CTNNBIP1: variants seen among roughly 807,000 people sequenced by gnomAD.
The protein encoded by CTNNBIP1 is beta-catenin-interacting protein 1.
In CTNNBIP1, 7 loss-of-function variants were observed where a neutral mutation model predicts 11.8. The observed-to-expected ratio is 0.60, with a 90% CI of 0.34 to 1.12. CTNNBIP1 has a LOEUF of 1.12. Ranked by LOEUF, CTNNBIP1 falls within the 50% of genes most tolerant of loss-of-function variation. The pLI, the probability that CTNNBIP1 is intolerant of heterozygous loss-of-function variation, is 0.03. For missense variants in CTNNBIP1, 101 were observed against 113.4 expected (o/e 0.89, Z 0.50); for synonymous variants, 58 against 43.9 (o/e 1.32, Z -1.26).
chr1:9,890,254 C>T (rs1287572596), intron 1 of CTNNBIP1, among the ~76,000 whole-genome samples: 1 of 152,122 alleles, frequency 6.6e-6, no homozygotes, highest in East Asian at 1.9e-4. Context: ...AACAGGAAGG[C>T]ATGTGGAGCC....
At chr1:9,893,924 A>G (rs1639355989) in intron 1 of CTNNBIP1, among the ~76,000 whole-genome samples, 1 of 152,234 alleles carries the variant, frequency 6.6e-6, no homozygotes, top group African/African-American at 2.4e-5. Context: ...CCTAAGAGAG[A>G]GGGAAACTGA....
chr1:9,891,902 G>A (rs1029060430), intron 1 of CTNNBIP1, among the ~76,000 whole-genome samples: 2 of 147,422 alleles, frequency 1.4e-5, no homozygotes, highest in African/African-American at 5.0e-5. Flanking sequence ...TCCAGTCTCA[G>A]GTGATTCTCC....
rs1638771396 is a variant in CTNNBIP1 at position 9,867,486 on chromosome 1, G to C, written c.187+3701C>G. ...AGACCCATCCAGCCCTGGAGGGGAA[G>C]CATGTGCAGGGCTAAAGGTGGCGGC... On this transcript the variant is annotated intron_variant, in intron 5 of 5. Transcript: ENST00000377263. The surrounding 1 kb of genome is among the most constrained non-coding windows in gnomAD (Gnocchi z 4.6). Among the ~76,000 whole-genome samples the C allele has an allele frequency of 6.6e-6, 1 of 152,206 alleles. No homozygotes were observed. The highest frequency in any genetic ancestry group is 2.1e-4 in the South Asian group (1 of 4,838).
chr1:9,871,115 T>C lies in CTNNBIP1; in HGVS notation c.187+72A>G. ...CCATCAAAGAGGGCTGGAGCTACGC[T>C]TTCTAAGGGAACCACAAGTCGGTGC... On this transcript the variant is annotated intron_variant, in intron 5 of 5. Transcript: ENST00000377263. The surrounding 1 kb of genome is among the most constrained non-coding windows in gnomAD (Gnocchi z 5.2). 3 of 1,197,214 alleles carry C rather than the reference T, an allele frequency of 2.5e-6. No homozygotes were observed. The highest frequency in any genetic ancestry group is 3.6e-6 in the Non-Finnish European group (3 of 842,722). The allele number at this position is 1,197,214 out of a possible 1,614,324, so 74.2% of individuals were successfully genotyped here.
intron 1 of CTNNBIP1, among the ~76,000 whole-genome samples, chr1:9,898,046 C>T (rs1639446014): frequency 6.6e-6 from 1 of 150,716 alleles, no homozygotes; most frequent in Non-Finnish European, 1.5e-5. Flanking sequence ...ACCCAGAAGG[C>T]AGAGGATGCA....
rs998032783 is a variant in CTNNBIP1, at chr1:9,883,767, T to C, written c.-143-29A>G. The C allele has an allele frequency of 1.3e-5, 2 of 153,486 alleles. No homozygotes were observed. Among genetic ancestry groups the C allele is most frequent in the Non-Finnish European group, 2.9e-5 (2 of 68,458 alleles). 9.5% of individuals were successfully genotyped at this position (153,486 alleles called of 1,614,324 possible). ...CAAGAGGGAGAAGAGGGGCAGAATC[T>C]TGCCTGTCCTTTCCCAGGTGCCCTG... On this transcript the variant is annotated intron_variant, in intron 1 of 5. Coordinates refer to ENST00000377263, the MANE Select transcript of CTNNBIP1 (RefSeq NM_020248.3). This position sits in a 1 kb window ranked among gnomAD's most constrained non-coding sequence, Gnocchi z 5.6.
At chr1:9,860,062 T>A (rs913225704) in intron 5 of CTNNBIP1, among the ~76,000 whole-genome samples, 1 of 152,140 alleles carries the variant, frequency 6.6e-6, no homozygotes, top group African/African-American at 2.4e-5. Context: ...TCCAGGATCC[T>A]GCAAAGTCCA....
rs2379107 is a variant in CTNNBIP1 at position 9,851,233 on chromosome 1, A to G, written c.188-457T>C. Among the ~76,000 whole-genome samples, 40,977 of 152,108 alleles carry G rather than the reference A, an allele frequency of 0.27. 6,332 individuals are homozygous for G. Among genetic ancestry groups the G allele is most frequent in the East Asian group, 0.75 (3,867 of 5,180 alleles). ...GTTTTAAATAGCCATTCCTCTTTGC[A>G]GCAGCTTCTCCTTCACCCAAACCCA... On this transcript the variant is annotated intron_variant, in intron 5 of 5. Transcript: ENST00000377263. This position sits in a 1 kb window ranked among gnomAD's most constrained non-coding sequence, Gnocchi z 4.8.
intron 3 of CTNNBIP1, among the ~76,000 whole-genome samples, chr1:9,876,637 C>T (rs1003662266): frequency 1.3e-5 from 2 of 151,984 alleles, no homozygotes; most frequent in African/African-American, 2.4e-5. Flanking sequence ...AACAATAAAA[C>T]AGAAAAGAAA....
intron 2 of CTNNBIP1, among the ~76,000 whole-genome samples, chr1:9,879,326 G>C (rs1639035773): frequency 6.6e-6 from 1 of 152,228 alleles, no homozygotes; most frequent in South Asian, 2.1e-4. Context: ...GGTTCTGAGA[G>C]AGGTGCGGGG....
chr1:9,898,052 A>G (rs1016293368), intron 1 of CTNNBIP1, among the ~76,000 whole-genome samples: 8 of 151,482 alleles, frequency 5.3e-5, no homozygotes, highest in African/African-American at 1.9e-4. Flanking sequence ...AAGGCAGAGG[A>G]TGCAGTGAGC....
intron 1 of CTNNBIP1, among the ~76,000 whole-genome samples, chr1:9,908,024 G>A (rs550375321): frequency 1.3e-5 from 2 of 152,128 alleles, no homozygotes; most frequent in African/African-American, 2.4e-5. Flanking sequence ...TCTTTATTAC[G>A]ACCTACAAAA....
intron 1 of CTNNBIP1, among the ~76,000 whole-genome samples, chr1:9,894,905 ATT>A (rs1175181254): frequency 1.2e-4 from 12 of 102,182 alleles, no homozygotes; most frequent in Non-Finnish European, 1.1e-4. Context: ...ATGCCTGGCT[ATT>A]TTTTTTTTTT....
At chr1:9,908,243 G>A (rs992532880) in intron 1 of CTNNBIP1, among the ~76,000 whole-genome samples, 1 of 151,930 alleles carries the variant, frequency 6.6e-6, no homozygotes, top group African/African-American at 2.4e-5. Flanking sequence ...ATTTTTAGTA[G>A]AGACAGGGTT....
chr1:9,902,761 CTT>C (rs200463997), intron 1 of CTNNBIP1, among the ~76,000 whole-genome samples: 13 of 147,346 alleles, frequency 8.8e-5, no homozygotes, highest in African/African-American at 3.2e-4. Context: ...TGGGGAAGAA[CTT>C]TTTTTTTTTT....
chr1:9,898,530 A>G (rs1001821589), intron 1 of CTNNBIP1, among the ~76,000 whole-genome samples: 4 of 150,994 alleles, frequency 2.6e-5, no homozygotes, highest in South Asian at 2.1e-4. Context: ...CTCAAAAGGG[A>G]AAAAAAAAAT....
chr1:9,900,581 G>A (rs942636408), intron 1 of CTNNBIP1, among the ~76,000 whole-genome samples: 4 of 152,140 alleles, frequency 2.6e-5, no homozygotes, highest in African/African-American at 9.7e-5. Context: ...GCAAACACAA[G>A]GCAAACGGGC....
chr1:9,884,323 G>A (rs1265977222), intron 1 of CTNNBIP1, among the ~76,000 whole-genome samples: 1 of 152,122 alleles, frequency 6.6e-6, no homozygotes, highest in Non-Finnish European at 1.5e-5. Flanking sequence ...GCAGCCCTTG[G>A]GGCAGGGCAG....
chr1:9,853,677 A>ATC (rs1358289475), intron 5 of CTNNBIP1, among the ~76,000 whole-genome samples: 1 of 152,198 alleles, frequency 6.6e-6, no homozygotes, highest in Non-Finnish European at 1.5e-5. Context: ...CCCCCTTGGT[A>ATC]TCTCTGTTGA....
Sources: gnomAD v4.1 joint callset for allele counts (sites outside exome capture counted in the v4.1 genomes callset) on GRCh38, gnomAD v4.1.1 for gene constraint, Gnocchi (gnomAD v3.1) non-coding constraint, MANE v1.5 for transcripts, NCBI Gene and HGNC (gene_info 2026-07-23, HGNC 2026-07-21) for gene names.